The following LRRN4 variants were observed in gnomAD, a reference collection of about 807,000 sequenced individuals.
LRRN4 encodes the protein leucine rich repeat neuronal 4, also known as leucine-rich repeat neuronal protein 4.
Under a neutral mutation model 22.3 loss-of-function variants are expected in LRRN4, and 26 were observed. That is an observed-to-expected ratio of 1.16 (90% confidence interval 0.85 to 1.62). LRRN4 has a LOEUF of 1.62. LRRN4 is among the 40% of genes most tolerant of loss of function. The pLI, the probability that LRRN4 is intolerant of heterozygous loss-of-function variation, is 0.00. For synonymous variants in LRRN4, 496 were observed against 486.2 expected, an observed-to-expected ratio of 1.02 and a Z score of -0.26; for missense variants, 1,070 against 1,008.5, an observed-to-expected ratio of 1.06 and a Z score of -0.83.
At position 6,052,348 on chromosome 20, in the gene LRRN4, A is replaced by G. The variant is rs770195351; in HGVS notation, c.452T>C (p.Leu151Pro). ...TGPALSSLRA[L>P]ALAGNPLRAL... The stretch of plus-strand genomic sequence containing the variant: ...CCGCAGCGGATTCCCGGCGAGCGCC[A>G]GGGCGCGGAGGCTGCTCAGCGCGGG... Residue 151 changes from leucine to proline, a missense_variant, in exon 2 of 5, where the codon CTG becomes CCG. Coordinates refer to ENST00000378858, the MANE Select transcript of LRRN4 (RefSeq NM_152611.5). 8 of 1,506,652 alleles carry G rather than the reference A, an allele frequency of 5.3e-6. No homozygotes were observed. The East Asian group carries it at 7.9e-5, about 15-fold the overall frequency. The allele number at this position is 1,506,652 out of a possible 1,614,324, so 93.3% of individuals were successfully genotyped here. A position where few individuals can be genotyped will look rare whatever the true frequency, so the allele number is the denominator to read the frequency against.
intron 4 of LRRN4, among the ~76,000 whole-genome samples, chr20:6,042,720 A>T (rs1451585742): frequency 1.3e-5 from 2 of 152,032 alleles, no homozygotes; most frequent in African/African-American, 2.4e-5. Context: ...GGAGGTCAAG[A>T]CCATCCTGGC....
At position 6,050,856 on chromosome 20, in the gene LRRN4, C is replaced by T. The variant is rs1981225697; in HGVS notation, c.783G>A (p.Gln261=). 4 of 1,613,964 alleles carry T rather than the reference C, an allele frequency of 2.5e-6. No individual in the cohort carries two copies. The highest frequency in any genetic ancestry group is 2.7e-5 in the African/African-American group (2 of 74,920). The change falls in exon 3 of 5, where the codon CAG becomes CAA. Residue 261 remains glutamine (Q), a synonymous_variant. Transcript: ENST00000378858. ...CGACAGAAGCAAGTGCTGGGGAGTC[C>T]TGACAGTCCAGCTGCTGCAGGTTGG... ...MTPNLQQLDC[Q]DSPALASVAT...
chr20:6,045,570 T>C (rs1412822696), intron 3 of LRRN4, among the ~76,000 whole-genome samples: 1 of 149,294 alleles, frequency 6.7e-6, no homozygotes, highest in Non-Finnish European at 1.5e-5. Context: ...ACCAGTGTTA[T>C]TGCACTGTGG....
chr20:6,044,503 G>A, intron 4 of LRRN4, 40 bp downstream of exon 4: 1 of 1,418,858 alleles, frequency 7.0e-7, no homozygotes, highest in Non-Finnish European at 9.3e-7. Flanking sequence ...CCTGAAGGCT[G>A]ACCCTCTGCC....
chr20:6,040,962 T>G lies in LRRN4; in HGVS notation c.*60A>C. ...GCGGATGGGGTCGTTTTTGACCGTC[T>G]GTGTCTTCCTTTTTGCGCTCAGATC... On this transcript the variant is annotated 3_prime_UTR_variant, in exon 5 of 5. Coordinates refer to ENST00000378858, the MANE Select transcript of LRRN4 (RefSeq NM_152611.5). 2 of 1,592,936 alleles carry G rather than the reference T, an allele frequency of 1.3e-6. No homozygotes were observed. The highest frequency in any genetic ancestry group is 1.1e-5 in the South Asian group (1 of 88,222).
Position 6,041,398 on chromosome 20 carries a change from G to A in LRRN4, c.1847C>T (p.Ala616Val), listed in dbSNP as rs767237215. ...CGACTGGTTCCCCGCCCAGCCCTCCGCAGAGTAGCGGATCTGGTACCCATG... is the reference window on the plus strand; with the variant it reads ...CGACTGGTTCCCCGCCCAGCCCTCCACAGAGTAGCGGATCTGGTACCCATG... Reference protein sequence around the residue: ...VVHGYQIRYSAEGWAGNQSVV... With the variant: ...VVHGYQIRYSVEGWAGNQSVV... Residue 616 changes from alanine (A) to valine (V), a missense_variant, in exon 5 of 5, where the codon GCG becomes GTG. By Grantham distance (64) the Ala-to-Val change is moderately conservative (BLOSUM62 0). Transcript: ENST00000378858. The surrounding 1 kb of genome is among the most constrained non-coding windows in gnomAD (Gnocchi z 9.4). 27 of 1,572,576 alleles carry A rather than the reference G, an allele frequency of 1.7e-5. No homozygotes were observed. Among genetic ancestry groups the A allele is most frequent in the Middle Eastern group, 3.4e-4 (2 of 5,894 alleles).
In LRRN4 at chr20:6,052,769, TCAG is replaced by T. The variant is rs762524508; in HGVS notation, c.28_30del (p.Leu10del). 6.3e-6 allele frequency: 10 copies of T among 1,575,416 alleles called. No individual in the cohort carries two copies. The highest frequency in any genetic ancestry group is 1.8e-5 in the Admixed American group (1 of 56,230). ...TCTGCCCAGCTGGGGCGCAGCACCG[TCAG>T]CAGCAGCAGCGGTAGGGTTTGCCGC... is the stretch of plus-strand genomic sequence containing the variant. On this transcript the variant is annotated inframe_deletion, in exon 2 of 5. Transcript: ENST00000378858.
In LRRN4 at chr20:6,052,776, C is replaced by A. The variant is rs1981297766; in HGVS notation, c.24G>T (p.Leu8=). MRQTLPL[L]LLTVLRPSWA... ...AGCTGGGGCGCAGCACCGTCAGCAGCAGCAGCGGTAGGGTTTGCCGCATGG... is the reference window on the plus strand; with the variant it reads ...AGCTGGGGCGCAGCACCGTCAGCAGAAGCAGCGGTAGGGTTTGCCGCATGG... The change falls in exon 2 of 5, where the codon CTG becomes CTT. Residue 8 remains leucine (L), a synonymous_variant. Transcript: ENST00000378858. The A allele has an allele frequency of 3.2e-6, 5 of 1,574,508 alleles. No homozygotes were observed. Among genetic ancestry groups the A allele is most frequent in the South Asian group, 2.3e-5 (2 of 87,096 alleles).
chr20:6,051,827 G>C (rs1396774963), intron 2 of LRRN4, among the ~76,000 whole-genome samples: 1 of 152,150 alleles, frequency 6.6e-6, no homozygotes, highest in Non-Finnish European at 1.5e-5. Context: ...AAAGTTTTGG[G>C]CTCTGGACCC....
chr20:6,051,496 C>A (rs1331461277), intron 2 of LRRN4, among the ~76,000 whole-genome samples: 2 of 152,138 alleles, frequency 1.3e-5, no homozygotes, highest in African/African-American at 4.8e-5. Flanking sequence ...TTCTCTTTGT[C>A]TTTGATGAAA....
rs767237215 is a variant in LRRN4, at chr20:6,041,398, G to T, written c.1847C>A (p.Ala616Glu). The change falls in exon 5 of 5, where the codon GCG becomes GAG. Residue 616 changes from alanine to glutamate, a missense_variant. By Grantham distance (107) the Ala-to-Glu change is moderately radical (BLOSUM62 -1). Coordinates refer to ENST00000378858, the MANE Select transcript of LRRN4 (RefSeq NM_152611.5). This position sits in a 1 kb window ranked among gnomAD's most constrained non-coding sequence, Gnocchi z 9.4. ...CGACTGGTTCCCCGCCCAGCCCTCCGCAGAGTAGCGGATCTGGTACCCATG... is the reference window on the plus strand; with the variant it reads ...CGACTGGTTCCCCGCCCAGCCCTCCTCAGAGTAGCGGATCTGGTACCCATG... ...VVHGYQIRYS[A>E]EGWAGNQSVV... 1.3e-6 allele frequency: 2 copies of T among 1,572,692 alleles called. No individual in the cohort carries two copies. Among genetic ancestry groups the T allele is most frequent in the Non-Finnish European group, 1.7e-6 (2 of 1,159,686 alleles).
At chr20:6,049,116 C>T (rs1981181646) in intron 3 of LRRN4, among the ~76,000 whole-genome samples, 1 of 152,318 alleles carries the variant, frequency 6.6e-6, no homozygotes, top group Middle Eastern at 3.4e-3. Flanking sequence ...TATCACTTCT[C>T]AACCTGGGAT....
chr20:6,045,026 G>C (rs573820340), intron 3 of LRRN4, among the ~76,000 whole-genome samples: 7 of 151,736 alleles, frequency 4.6e-5, no homozygotes, highest in Non-Finnish European at 8.8e-5. Flanking sequence ...CTTTTTCCCT[G>C]AAGTGGGAAA....
In LRRN4 at chr20:6,041,063, C is replaced by T. The variant is rs1018970438; in HGVS notation, c.2182G>A (p.Ala728Thr). 1 of 1,613,894 alleles carries T rather than the reference C, an allele frequency of 6.2e-7. No individual in the cohort carries two copies. The highest frequency in any genetic ancestry group is 1.3e-5 in the African/African-American group (1 of 74,930). ...DTHLVAYKNP[A>T]FDDYPLGLQT... ...AGCCCCAGCGGGTAATCATCAAAGG[C>T]CGGGTTTTTGTAGGCCACCAGGTGC... Residue 728 changes from alanine to threonine, a missense_variant, in exon 5 of 5, where the codon GCC (alanine) becomes ACC (threonine). By Grantham distance (58) the Ala-to-Thr change is moderately conservative (BLOSUM62 0). Coordinates refer to ENST00000378858, the MANE Select transcript of LRRN4 (RefSeq NM_152611.5). This position sits in a 1 kb window ranked among gnomAD's most constrained non-coding sequence, Gnocchi z 9.4.
rs1216970181 is a variant in LRRN4, at chr20:6,045,526, A to G, written c.861-846T>C. Among the ~76,000 whole-genome samples, 2 of 148,802 alleles carry G rather than the reference A, an allele frequency of 1.3e-5. 1 individual carries two copies. The highest frequency in any genetic ancestry group is 3.0e-5 in the Non-Finnish European group (2 of 66,488). ...GATGATAAAAGTGTTTGTAAATGCAAATCTCCACATACAAATAGATATTGT... is the reference window on the plus strand; with the variant it reads ...GATGATAAAAGTGTTTGTAAATGCAGATCTCCACATACAAATAGATATTGT... On this transcript the variant is annotated intron_variant, in intron 3 of 4. Transcript: ENST00000378858.
At chr20:6,050,742 C>G (rs1169120030) in intron 3 of LRRN4, 37 bp downstream of exon 3, 6 of 1,591,058 alleles carry the variant, frequency 3.8e-6, no homozygotes, top group Non-Finnish European at 5.2e-6. Flanking sequence ...GGGCAAAAAT[C>G]AGTCATGTGA....
intron 3 of LRRN4, among the ~76,000 whole-genome samples, chr20:6,049,596 G>A (rs1424213174): frequency 1.3e-5 from 2 of 152,088 alleles, no homozygotes; most frequent in African/African-American, 4.8e-5. Context: ...CACTTCCCAG[G>A]ATCAAGCAAT....
chr20:6,051,125 T>G, intron 2 of LRRN4, 142 bp from the exon 3 acceptor site: 3 of 733,642 alleles, frequency 4.1e-6, no homozygotes, highest in Admixed American at 2.5e-5. Flanking sequence ...GCTCTGGGAA[T>G]CTCAGAATTG....
chr20:6,051,284 T>A (rs1208116360), intron 2 of LRRN4, among the ~76,000 whole-genome samples: 1 of 152,200 alleles, frequency 6.6e-6, no homozygotes, highest in Non-Finnish European at 1.5e-5. Flanking sequence ...GGACACTGTC[T>A]CCAAGTCTGT....
Sources: allele counts gnomAD v4.1 joint callset (sites outside exome capture counted in the v4.1 genomes callset), GRCh38; gene constraint gnomAD v4.1.1; non-coding constraint Gnocchi (gnomAD v3.1); transcripts MANE v1.5; gene names NCBI Gene and HGNC (gene_info 2026-07-23, HGNC 2026-07-21).